The following SLX9 variants were observed in gnomAD, a reference collection of about 807,000 sequenced individuals.
SLX9 encodes the protein SLX9 ribosome biogenesis factor.
In SLX9, 19 loss-of-function variants were observed where a neutral mutation model predicts 20.8. The observed-to-expected ratio is 0.91, with a 90% CI of 0.64 to 1.34. SLX9 has a LOEUF of 1.34. SLX9 is among the 40% of genes most tolerant of loss of function. The probability of loss-of-function intolerance (pLI) is 0.00; values close to 1 mark genes in which losing one functional copy is unlikely to be tolerated. For missense variants in SLX9, 299 were observed against 322.2 expected (o/e 0.93, Z 0.55); for synonymous variants, 113 against 137.1 (o/e 0.82, Z 1.23).
At chr21:44,958,893 C>G (rs532328104) in intron 2 of SLX9, among the ~76,000 whole-genome samples, 128 of 152,354 alleles carry the variant, frequency 8.4e-4, no homozygotes, top group Middle Eastern at 6.8e-3. Context: ...GCGCCCAGGC[C>G]TCGTTTTCTT....
intron 2 of SLX9, among the ~76,000 whole-genome samples, chr21:44,946,997 G>A (rs2084655248): frequency 6.6e-6 from 1 of 152,210 alleles, no homozygotes; most frequent in Admixed American, 6.5e-5. Flanking sequence ...CCTGGTCTGG[G>A]GGCCCCAGCC....
At chr21:44,948,210 G>A (rs1210006500) in intron 2 of SLX9, among the ~76,000 whole-genome samples, 1 of 150,998 alleles carries the variant, frequency 6.6e-6, no homozygotes, top group Non-Finnish European at 1.5e-5. Flanking sequence ...AGCATCGGGC[G>A]GTCCGGGAAT....
At chr21:44,945,623 G>A (rs1025908627) in intron 2 of SLX9, among the ~76,000 whole-genome samples, 10 of 152,212 alleles carry the variant, frequency 6.6e-5, no homozygotes, top group Non-Finnish European at 1.3e-4. Flanking sequence ...ATCTGGCCTC[G>A]CAGCGTTCTT....
upstream of SLX9, chr21:44,939,987 C>T (rs764950769): frequency 1.1e-5 from 15 of 1,351,748 alleles, no homozygotes; most frequent in Non-Finnish European, 1.3e-5. Context: ...CTCCTGTTTC[C>T]GCCGGGCGGC....
Position 44,947,039 on chromosome 21 carries a change from G to A in SLX9, c.283+3202G>A, listed in dbSNP as rs527468925. On this transcript the variant is annotated intron_variant, in intron 2 of 5. Coordinates refer to ENST00000291634, the MANE Select transcript of SLX9 (RefSeq NM_058190.4). ...CTTCAGGCCTCCGAGGTATCCAGGC[G>A]CCTCAGTGGGGTCCTTTGCATCTTG... 4.6e-5 allele frequency among the ~76,000 whole-genome samples: 7 copies of A among 152,312 alleles called. No individual in the cohort carries two copies. The East Asian group carries it at 9.7e-4, about 21-fold the overall frequency.
chr21:44,940,041 C>A lies in SLX9; in HGVS notation c.-17C>A. 7.0e-7 allele frequency: 1 copy of A among 1,433,684 alleles called. No individual in the cohort carries two copies. Among genetic ancestry groups the A allele is most frequent in the African/African-American group, 1.5e-5 (1 of 66,826 alleles). 88.8% of individuals were successfully genotyped at this position (1,433,684 alleles called of 1,614,324 possible). ...TCCGGGAGGCGCTCCGCACGTTTGC[C>A]GTGCTCCGCCGGGAAGATGGGGAAA... On this transcript the variant is annotated 5_prime_UTR_variant, in exon 1 of 6. Coordinates refer to ENST00000291634, the MANE Select transcript of SLX9 (RefSeq NM_058190.4).
chr21:44,951,629 T>G (rs2084758831), intron 2 of SLX9, among the ~76,000 whole-genome samples: 1 of 152,064 alleles, frequency 6.6e-6, no homozygotes, highest in Non-Finnish European at 1.5e-5. Flanking sequence ...AATAGACAAA[T>G]ACGCAACATT....
chr21:44,967,217 T>G, intron 4 of SLX9, 36 bp downstream of exon 4: 1 of 1,536,314 alleles, frequency 6.5e-7, no homozygotes, highest in Non-Finnish European at 8.7e-7. Context: ...TTCCGAGCTG[T>G]GGGGCTGACC....
chr21:44,953,615 T>G (rs2084801544), intron 2 of SLX9, among the ~76,000 whole-genome samples: 6 of 152,312 alleles, frequency 3.9e-5, no homozygotes, highest in Admixed American at 3.9e-4. Flanking sequence ...GAAGCAGTTC[T>G]CTGGGGCTTC....
chr21:44,946,940 G>C (rs2084654108), intron 2 of SLX9, among the ~76,000 whole-genome samples: 1 of 152,220 alleles, frequency 6.6e-6, no homozygotes, highest in South Asian at 2.1e-4. Flanking sequence ...TCATGGGTGG[G>C]ACCTGCAGAC....
In SLX9 at chr21:44,940,122, C is replaced by A; in HGVS notation, c.65C>A (p.Ala22Asp). The change falls in exon 1 of 6, where the codon GCC becomes GAC. Residue 22 changes from alanine (A) to aspartate (D), a missense_variant. Coordinates refer to ENST00000291634, the MANE Select transcript of SLX9 (RefSeq NM_058190.4). ...HQAAVRPKGE[A>D]APGPAPPAPE... ...GCTGCCGTGAGGCCGAAAGGGGAGG[C>A]CGCCCCCGGCCCCGCGCCCCCTGCC... The A allele has an allele frequency of 7.3e-7, 1 of 1,375,422 alleles. No individual in the cohort carries two copies. The highest frequency in any genetic ancestry group is 9.5e-7 in the Non-Finnish European group (1 of 1,057,134). The allele number at this position is 1,375,422 out of a possible 1,614,324, so 85.2% of individuals were successfully genotyped here. A position where few individuals can be genotyped will look rare whatever the true frequency, so the allele number is the denominator to read the frequency against.
intron 2 of SLX9, among the ~76,000 whole-genome samples, chr21:44,957,545 C>A (rs1294742396): frequency 6.6e-6 from 1 of 152,252 alleles, no homozygotes; most frequent in Admixed American, 6.5e-5. Context: ...ACCCTGGATA[C>A]CACCGGGTCC....
intron 5 of SLX9, among the ~76,000 whole-genome samples, chr21:44,974,929 G>C (rs892824972): frequency 4.6e-5 from 7 of 152,208 alleles, no homozygotes; most frequent in Admixed American, 4.6e-4. Flanking sequence ...CTTGCAGACT[G>C]TCTGTCGCCC....
At chr21:44,957,145 G>T (rs2084873243) in intron 2 of SLX9, among the ~76,000 whole-genome samples, 1 of 152,208 alleles carries the variant, frequency 6.6e-6, no homozygotes, top group Non-Finnish European at 1.5e-5. Flanking sequence ...GTTTTTGCCG[G>T]GCCGGCCGGC....
At chr21:44,939,711 T>C (rs577681109), upstream of SLX9, 86 of 472,200 alleles carry the variant, frequency 1.8e-4, no homozygotes, top group African/African-American at 1.0e-3. Context: ...TTCTCAAATA[T>C]AGAATTTTAA....
chr21:44,946,864 G>T (rs562811578), intron 2 of SLX9, among the ~76,000 whole-genome samples: 2 of 152,214 alleles, frequency 1.3e-5, no homozygotes, highest in East Asian at 1.9e-4. Flanking sequence ...GGAGGGACAG[G>T]CCTCCACTTC....
chr21:44,973,052 G>C (rs1165631111), intron 4 of SLX9, 145 bp from the exon 5 acceptor site: 1 of 385,016 alleles, frequency 2.6e-6, no homozygotes, highest in Non-Finnish European at 3.6e-6. Context: ...CCACAGTGCA[G>C]CTTGGAACTT....
chr21:44,973,013 C>CA lies in SLX9; in HGVS notation c.501-183dup, dbSNP rs2085184030. ...CGGTCACAGGACGGTCAGGCAGTTG[C>CA]ACTGCTTGTCCAGGTCTCGCCTCCA... On this transcript the variant is annotated intron_variant, in intron 4 of 5. Coordinates refer to ENST00000291634, the MANE Select transcript of SLX9 (RefSeq NM_058190.4). The CA allele has an allele frequency of 1.6e-5, 11 of 708,960 alleles. No homozygotes were observed. The South Asian group carries it at 1.8e-4, about 12-fold the overall frequency. The allele number at this position is 708,960 out of a possible 1,614,324, so 43.9% of individuals were successfully genotyped here.
intron 5 of SLX9, 106 bp from the exon 6 acceptor site, chr21:44,976,574 G>GCC: frequency 6.8e-7 from 1 of 1,479,334 alleles, no homozygotes. Flanking sequence ...TCCCGTGGTG[G>GCC]CCCCAGGCCT....
Sources: gnomAD v4.1 joint callset for allele counts (sites outside exome capture counted in the v4.1 genomes callset) on GRCh38, gnomAD v4.1.1 for gene constraint, MANE v1.5 for transcripts, NCBI Gene and HGNC (gene_info 2026-07-23, HGNC 2026-07-21) for gene names.